The following DIP2C variants were observed in gnomAD, a reference collection of about 807,000 sequenced individuals.
The protein encoded by DIP2C is DIP2 acetate--CoA ligase C (putative).
Under a neutral mutation model 192.4 loss-of-function variants are expected in DIP2C, and 33 were observed. The ratio of observed to expected loss-of-function variants is 0.17; its 90% confidence interval spans 0.13 to 0.23. The LOEUF (loss-of-function observed/expected upper bound fraction) is 0.23. Among genes scored for constraint, DIP2C ranks in the 10% least tolerant of loss-of-function variants. The pLI is 1.00. For missense variants in DIP2C, 1,537 were observed against 2,110.1 expected (o/e 0.73, Z 5.32); for synonymous variants, 979 against 864.1 (o/e 1.13, Z -2.33).
chr10:664,655 T>C (rs2132101962), intron 1 of DIP2C: 1 of 152,342 alleles, frequency 6.6e-6, no homozygotes, highest in East Asian at 1.9e-4. Flanking sequence ...GGATGATTTT[T>C]TAAAATTTAT....
chr10:408,839 G>A (rs778363233), intron 9 of DIP2C, 87 bp downstream of exon 9: 453 of 1,327,008 alleles, frequency 3.4e-4, no homozygotes, highest in Non-Finnish European at 4.2e-4. Context: ...TGGAGGTGGC[G>A]CTGAACTCTG....
intron 10 of DIP2C, among the ~76,000 whole-genome samples, chr10:392,876 ACT>A (rs938205542): frequency 1.0e-5 from 1 of 99,036 alleles, no homozygotes; most frequent in East Asian, 3.0e-4. Context: ...GACACTCAAC[ACT>A]CACACACACG....
chr10:316,636 C>T (rs1956785130), intron 31 of DIP2C, among the ~76,000 whole-genome samples: 11 of 152,176 alleles, frequency 7.2e-5, no homozygotes, highest in Admixed American at 6.5e-4. Context: ...CAGGGCTCTG[C>T]TGGGTGATCC....
chr10:689,520 GC>G lies in DIP2C; in HGVS notation c.58del (p.Ala20ProfsTer24). On this transcript the variant is annotated frameshift_variant, in exon 1 of 37. Transcript: ENST00000280886. LOFTEE classifies it high-confidence loss of function. The surrounding 1 kb of genome is among the most constrained non-coding windows in gnomAD (Gnocchi z 6.1). Reference sequence around the variant, plus strand: ...TTCCGACAGCTCCAGCTCCAGCTCGGCCAGGCGCGCCCGCACCTCCAGGGGC... The same window carrying G: ...TTCCGACAGCTCCAGCTCCAGCTCGGCAGGCGCGCCCGCACCTCCAGGGGC... ...ALPLEVRARL[A>X]ELELELSEGD... 2.3e-6 allele frequency: 3 copies of G among 1,293,648 alleles called. No homozygotes were observed. The highest frequency in any genetic ancestry group is 1.5e-5 in the South Asian group (1 of 66,378). The allele number at this position is 1,293,648 out of a possible 1,614,324, so 80.1% of individuals were successfully genotyped here.
At chr10:673,510 A>C (rs903057375) in intron 1 of DIP2C, among the ~76,000 whole-genome samples, 1 of 152,224 alleles carries the variant, frequency 6.6e-6, no homozygotes, top group African/African-American at 2.4e-5. Flanking sequence ...GGAGCAAATC[A>C]TAACAATCAA....
chr10:513,103 A>G (rs952907374), intron 1 of DIP2C, among the ~76,000 whole-genome samples: 7 of 152,166 alleles, frequency 4.6e-5, no homozygotes, highest in African/African-American at 1.7e-4. Context: ...AAGCACATGC[A>G]TTTTAAGAGT....
Position 417,933 on chromosome 10 carries a change from G to A in DIP2C, c.739+1132C>T, listed in dbSNP as rs1193821909. 6.9e-3 allele frequency among the ~76,000 whole-genome samples: 551 copies of A among 80,360 alleles called. 16 individuals are homozygous for A. Among genetic ancestry groups the A allele is most frequent in the East Asian group, 0.017 (32 of 1,884 alleles). 52.7% of individuals were successfully genotyped at this position (80,360 alleles called of 152,430 possible). A position where few individuals can be genotyped will look rare whatever the true frequency, so the allele number is the denominator to read the frequency against. On this transcript the variant is annotated intron_variant, in intron 6 of 36. Coordinates refer to ENST00000280886, the MANE Select transcript of DIP2C (RefSeq NM_014974.3). ...CTCCCTGTCCACCTGTTCCTGTCAG[G>A]GCTTCGATAGGCCTCCCTGTCCACC...
At chr10:572,768 C>CCAGCTTT (rs949669607) in intron 1 of DIP2C, among the ~76,000 whole-genome samples, 7 of 152,142 alleles carry the variant, frequency 4.6e-5, no homozygotes, top group Non-Finnish European at 1.0e-4. Context: ...GATCCACAAG[C>CCAGCTTT]CAGCTTTAAT....
intron 29 of DIP2C, among the ~76,000 whole-genome samples, chr10:340,033 T>C (rs1032724116): frequency 2.0e-5 from 3 of 151,936 alleles, no homozygotes; most frequent in Non-Finnish European, 4.4e-5. Flanking sequence ...ATACAAAAAT[T>C]AGCAGGGCGT....
intron 1 of DIP2C, among the ~76,000 whole-genome samples, chr10:509,695 G>C (rs1226333376): frequency 6.6e-6 from 1 of 152,192 alleles, no homozygotes; most frequent in East Asian, 1.9e-4. Context: ...GCAGATCCAT[G>C]AGACACAGGA....
chr10:497,460 TCA>T (rs928553562), intron 1 of DIP2C, among the ~76,000 whole-genome samples: 1 of 152,210 alleles, frequency 6.6e-6, no homozygotes, highest in Non-Finnish European at 1.5e-5. Context: ...TTGACCAACT[TCA>T]CAGTCTGTCT....
At chr10:292,249 C>T (rs1955530258) in intron 32 of DIP2C, among the ~76,000 whole-genome samples, 1 of 152,242 alleles carries the variant, frequency 6.6e-6, no homozygotes, top group East Asian at 1.9e-4. Context: ...CTGCTGACAC[C>T]CTTCCCTAGG....
chr10:684,527 A>G (rs1186491896), intron 1 of DIP2C, among the ~76,000 whole-genome samples: 1 of 152,222 alleles, frequency 6.6e-6, no homozygotes, highest in East Asian at 1.9e-4. Context: ...TAATGTGTAC[A>G]GAGTCCTCAG....
chr10:307,781 C>T (rs1414993694), intron 32 of DIP2C, among the ~76,000 whole-genome samples: 8 of 152,162 alleles, frequency 5.3e-5, no homozygotes, highest in Admixed American at 5.2e-4. Flanking sequence ...GAGCGGCACA[C>T]GGTCCATCTG....
intron 9 of DIP2C, among the ~76,000 whole-genome samples, chr10:399,856 A>G (rs1964280408): frequency 6.6e-6 from 1 of 152,196 alleles, no homozygotes; most frequent in Non-Finnish European, 1.5e-5. Flanking sequence ...CCCTGGTGCC[A>G]CACACGTGCA....
At chr10:375,549 T>C (rs1388288330) in intron 17 of DIP2C, among the ~76,000 whole-genome samples, 3 of 152,240 alleles carry the variant, frequency 2.0e-5, no homozygotes, top group Non-Finnish European at 4.4e-5. Context: ...ATGTACACTA[T>C]GGCTTCCATT....
At chr10:347,819 C>G (rs997689343) in intron 26 of DIP2C, among the ~76,000 whole-genome samples, 2 of 147,412 alleles carry the variant, frequency 1.4e-5, no homozygotes, top group African/African-American at 5.0e-5. Flanking sequence ...CCAGACACAT[C>G]GCGCATAGCT....
At chr10:681,570 C>G (rs1186850863) in intron 1 of DIP2C, among the ~76,000 whole-genome samples, 5 of 151,558 alleles carry the variant, frequency 3.3e-5, no homozygotes. Flanking sequence ...CCTATGGCCA[C>G]GGAAATTCCA....
chr10:336,830 CTGTG>C (rs1266923996), intron 29 of DIP2C, among the ~76,000 whole-genome samples: 8 of 145,264 alleles, frequency 5.5e-5, no homozygotes, highest in African/African-American at 1.2e-4. Flanking sequence ...GCCTAGGCAG[CTGTG>C]TGTGTGTGTG....
Sources: allele counts gnomAD v4.1 joint callset (sites outside exome capture counted in the v4.1 genomes callset), GRCh38; gene constraint gnomAD v4.1.1; non-coding constraint Gnocchi (gnomAD v3.1); transcripts MANE v1.5; gene names NCBI Gene and HGNC (gene_info 2026-07-23, HGNC 2026-07-21).